The following ST8SIA1 variants were observed in gnomAD, a reference collection of about 807,000 sequenced individuals.
ST8SIA1 encodes ST8 alpha-N-acetyl-neuraminide alpha-2,8-sialyltransferase 1, also known as alpha-N-acetylneuraminide alpha-2,8-sialyltransferase.
ST8SIA1 carries 16 observed loss-of-function variants against 35.9 expected under a neutral mutation model. That is an observed-to-expected ratio of 0.45 (90% confidence interval 0.30 to 0.68). ST8SIA1 has a LOEUF of 0.68. ST8SIA1 is among the 30% of genes least tolerant of loss of function. ST8SIA1 has a pLI of 0.09. For synonymous variants in ST8SIA1, 170 were observed against 169.6 expected (o/e 1.00, Z -0.02); for missense variants, 383 against 453.6 (o/e 0.84, Z 1.41).
chr12:22,262,585 A>T (rs1865805356), intron 2 of ST8SIA1, among the ~76,000 whole-genome samples: 1 of 152,202 alleles, frequency 6.6e-6, no homozygotes, highest in South Asian at 2.1e-4. Context: ...AACCACCATA[A>T]ATCATTCATT....
chr12:22,287,632 C>T (rs1004269034), intron 1 of ST8SIA1, among the ~76,000 whole-genome samples: 7 of 152,086 alleles, frequency 4.6e-5, no homozygotes, highest in Non-Finnish European at 7.4e-5. Context: ...CCAGAAAAGA[C>T]TTGGATAGCT....
chr12:22,315,467 C>T (rs759101329), intron 1 of ST8SIA1, among the ~76,000 whole-genome samples: 1 of 152,122 alleles, frequency 6.6e-6, no homozygotes, highest in Non-Finnish European at 1.5e-5. Flanking sequence ...CCTTTCTGAG[C>T]AGAACATCTA....
chr12:22,201,610 C>G lies in ST8SIA1; in HGVS notation c.1013G>C (p.Gly338Ala). 1 of 1,613,938 alleles carries G rather than the reference C, an allele frequency of 6.2e-7. No homozygotes were observed. The highest frequency in any genetic ancestry group is 8.5e-7 in the Non-Finnish European group (1 of 1,179,924). ...TGGGTCCAGCTGCATTCTCAGTGCA[C>G]CGATTTTATGAAGATACCAGAGTTG... The part of the protein sequence containing the change: ...FLQLWYLHKI[G>A]ALRMQLDPCE... The change falls in exon 5 of 5, where the codon GGT becomes GCT. Residue 338 changes from glycine (G) to alanine (A), a missense_variant. Gly to Ala is a moderately conservative substitution (Grantham distance 60). Coordinates refer to ENST00000396037, the MANE Select transcript of ST8SIA1 (RefSeq NM_003034.4).
chr12:22,260,873 T>TG, intron 2 of ST8SIA1, among the ~76,000 whole-genome samples: 1 of 121,392 alleles, frequency 8.2e-6, no homozygotes, highest in East Asian at 2.2e-4. Context: ...ATATAGTTGT[T>TG]GTTTTTTTTT....
At chr12:22,228,517 C>T (rs545775768) in intron 4 of ST8SIA1, among the ~76,000 whole-genome samples, 76 of 152,280 alleles carry the variant, frequency 5.0e-4, no homozygotes, top group African/African-American at 1.8e-3. Context: ...CAGATACTTG[C>T]TAATGACTCA....
At chr12:22,233,118 C>T (rs145865923) in intron 4 of ST8SIA1, among the ~76,000 whole-genome samples, 2 of 152,116 alleles carry the variant, frequency 1.3e-5, no homozygotes, top group South Asian at 2.1e-4. Context: ...AATCACTAGG[C>T]GTATCACTGT....
intron 2 of ST8SIA1, among the ~76,000 whole-genome samples, chr12:22,272,624 T>C (rs1865924465): frequency 1.3e-5 from 2 of 152,262 alleles, no homozygotes; most frequent in South Asian, 4.1e-4. Context: ...ATTTCAAAGA[T>C]ACTGGTATTA....
chr12:22,230,118 T>C lies in ST8SIA1; in HGVS notation c.584+18888A>G, dbSNP rs369974202. On this transcript the variant is annotated intron_variant, in intron 4 of 4. Transcript: ENST00000396037. Reference sequence around the variant, plus strand: ...ATTGTTCAAACAAATAGTGTCAAGCTCTTACAAAATAATGCTCTTACACAA... The same window carrying C: ...ATTGTTCAAACAAATAGTGTCAAGCCCTTACAAAATAATGCTCTTACACAA... 2.1e-4 allele frequency among the ~76,000 whole-genome samples: 32 copies of C among 152,334 alleles called. 1 individual carries two copies. The highest frequency in any genetic ancestry group is 7.5e-4 in the African/African-American group (31 of 41,580).
intron 1 of ST8SIA1, among the ~76,000 whole-genome samples, chr12:22,296,556 C>A (rs1209561743): frequency 6.6e-5 from 10 of 152,182 alleles, no homozygotes; most frequent in African/African-American, 2.4e-4. Context: ...AATCATTTAA[C>A]ACCATGCTCA....
intron 3 of ST8SIA1, 27 bp from the exon 4 acceptor site, chr12:22,249,125 G>T: frequency 6.9e-7 from 1 of 1,454,954 alleles, no homozygotes; most frequent in South Asian, 1.2e-5. Context: ...AAACATTTTG[G>T]AACAATTTGC....
intron 4 of ST8SIA1, among the ~76,000 whole-genome samples, chr12:22,231,786 G>A (rs1865424931): frequency 6.6e-6 from 1 of 152,008 alleles, no homozygotes; most frequent in South Asian, 2.1e-4. Flanking sequence ...TGTTAGCCAG[G>A]ATGGTCTCGA....
chr12:22,331,075 T>C (rs999898742), intron 1 of ST8SIA1, among the ~76,000 whole-genome samples: 2 of 152,264 alleles, frequency 1.3e-5, no homozygotes, highest in Admixed American at 1.3e-4. Flanking sequence ...GACAAGGTTC[T>C]TCTCTGAGAA....
chr12:22,285,880 A>AC (rs1565586727), intron 2 of ST8SIA1, among the ~76,000 whole-genome samples: 2,240 of 149,562 alleles, frequency 0.015, 57 homozygotes, highest in African/African-American at 0.052. Context: ...TCAAAAACAA[A>AC]AAAAAAAAAA....
At chr12:22,261,497 T>C (rs1325194959) in intron 2 of ST8SIA1, among the ~76,000 whole-genome samples, 1 of 152,176 alleles carries the variant, frequency 6.6e-6, no homozygotes, top group Non-Finnish European at 1.5e-5. Flanking sequence ...GTAGAAATCA[T>C]TGCAGGTATC....
rs1468546802 is a variant in ST8SIA1, at chr12:22,195,716, T to G, written c.*5836A>C. The G allele has an allele frequency of 6.6e-6, 1 of 152,248 alleles. No individual in the cohort carries two copies. Among genetic ancestry groups the G allele is most frequent in the South Asian group, 2.1e-4 (1 of 4,834 alleles). 9.4% of individuals were successfully genotyped at this position (152,248 alleles called of 1,614,324 possible). A position where few individuals can be genotyped will look rare whatever the true frequency, so the allele number is the denominator to read the frequency against. On this transcript the variant is annotated 3_prime_UTR_variant, in exon 5 of 5. Coordinates refer to ENST00000396037, the MANE Select transcript of ST8SIA1 (RefSeq NM_003034.4). ...CTTCCTTGCTTCCTGCTGAACTCTC[T>G]TCTGAGATCACTCCCAATCATCTTT... is the stretch of plus-strand genomic sequence containing the variant.
At position 22,334,617 on chromosome 12, in the gene ST8SIA1, T is replaced by G; in HGVS notation, c.-385A>C. On this transcript the variant is annotated 5_prime_UTR_variant, in exon 1 of 5. Coordinates refer to ENST00000396037, the MANE Select transcript of ST8SIA1 (RefSeq NM_003034.4). ...TCCGGGAGAAGGCTCGGCTCCCTCC[T>G]AAACATGTGGCCCGTGGCGTCCCCT... 3.9e-6 allele frequency: 1 copy of G among 257,230 alleles called. No individual in the cohort carries two copies. The highest frequency in any genetic ancestry group is 7.5e-6 in the Non-Finnish European group (1 of 132,524). 15.9% of individuals were successfully genotyped at this position (257,230 alleles called of 1,614,324 possible).
At chr12:22,288,655 T>C (rs11832631) in intron 1 of ST8SIA1, among the ~76,000 whole-genome samples, 8,218 of 152,114 alleles carry the variant, frequency 0.054, 354 homozygotes, top group South Asian at 0.17. Context: ...AAGGTTTCAA[T>C]GGAAAGAAGG....
intron 4 of ST8SIA1, among the ~76,000 whole-genome samples, chr12:22,221,774 C>G (rs181153587): frequency 6.6e-6 from 1 of 152,132 alleles, no homozygotes; most frequent in Non-Finnish European, 1.5e-5. Context: ...TAAAATAAAC[C>G]TTTTCCTTGC....
At chr12:22,229,701 C>T (rs1865396184) in intron 4 of ST8SIA1, among the ~76,000 whole-genome samples, 1 of 150,540 alleles carries the variant, frequency 6.6e-6, no homozygotes, top group Non-Finnish European at 1.5e-5. Flanking sequence ...GTGATGATAA[C>T]TACAGGATCA....
Sources: allele counts gnomAD v4.1 joint callset (sites outside exome capture counted in the v4.1 genomes callset), GRCh38; gene constraint gnomAD v4.1.1; transcripts MANE v1.5; gene names NCBI Gene and HGNC (gene_info 2026-07-23, HGNC 2026-07-21).